The following SH3GL3 variants were observed in gnomAD, a reference collection of about 807,000 sequenced individuals.
SH3GL3 encodes endophilin-A3.
Under a neutral mutation model 47.7 loss-of-function variants are expected in SH3GL3, and 33 were observed. The observed-to-expected ratio is 0.69, with a 90% CI of 0.52 to 0.92. SH3GL3 has a LOEUF of 0.92. Among genes scored for constraint, SH3GL3 ranks in the 40% least tolerant of loss-of-function variants. SH3GL3 has a pLI of 0.00. For missense variants in SH3GL3, 363 were observed against 417.8 expected (o/e 0.87, Z 1.14); for synonymous variants, 155 against 148.8 (o/e 1.04, Z -0.30).
chr15:83,481,621 TC>T (rs1360338997), intron 1 of SH3GL3, among the ~76,000 whole-genome samples: 3 of 152,208 alleles, frequency 2.0e-5, no homozygotes, highest in Non-Finnish European at 4.4e-5. Context: ...TAATCATATA[TC>T]TGAAAGAGCA....
intron 6 of SH3GL3, among the ~76,000 whole-genome samples, chr15:83,583,663 A>G (rs2059890793): frequency 6.6e-6 from 1 of 152,102 alleles, no homozygotes; most frequent in Non-Finnish European, 1.5e-5. Flanking sequence ...GTTTCCAGCT[A>G]TAGAGAGGTT....
At chr15:83,494,636 G>A (rs1453061957) in intron 1 of SH3GL3, among the ~76,000 whole-genome samples, 2 of 151,270 alleles carry the variant, frequency 1.3e-5, no homozygotes, top group African/African-American at 2.4e-5. Context: ...TCTGCCTCCC[G>A]GGTTCAAGCG....
rs1406790435 is a variant in SH3GL3, at chr15:83,618,539, G to C, written c.*252G>C. 2.3e-6 allele frequency: 1 copy of C among 439,766 alleles called. No individual in the cohort carries two copies. Among genetic ancestry groups the C allele is most frequent in the Admixed American group, 3.6e-5 (1 of 27,530 alleles). 27.2% of individuals were successfully genotyped at this position (439,766 alleles called of 1,614,324 possible). A position where few individuals can be genotyped will look rare whatever the true frequency, so the allele number is the denominator to read the frequency against. ...TTGGTTAAATGTATTTGCTTCCTGT[G>C]GCTAAAAATAAGTCTCACCCATTGC... On this transcript the variant is annotated 3_prime_UTR_variant, in exon 9 of 9. Coordinates refer to ENST00000427482, the MANE Select transcript of SH3GL3 (RefSeq NM_003027.5).
chr15:83,468,949 T>C (rs547393946), intron 1 of SH3GL3, among the ~76,000 whole-genome samples: 3 of 152,210 alleles, frequency 2.0e-5, no homozygotes, highest in Non-Finnish European at 2.9e-5. Context: ...AGTAAAACCA[T>C]CTAGGCCTGG....
chr15:83,493,564 C>T (rs187678976), intron 1 of SH3GL3, among the ~76,000 whole-genome samples: 4 of 152,282 alleles, frequency 2.6e-5, no homozygotes, highest in African/African-American at 9.6e-5. Flanking sequence ...GCCTTCACCT[C>T]CTCCATTGCA....
At position 83,511,286 on chromosome 15, in the gene SH3GL3, GC is replaced by G. The variant is rs1395376474; in HGVS notation, c.46-47966del. Among the ~76,000 whole-genome samples, 5 of 152,286 alleles carry G rather than the reference GC, an allele frequency of 3.3e-5. No homozygotes were observed. The East Asian group carries it at 9.7e-4, about 29-fold the overall frequency. ...TGGCAAGTGACCTGCAGGACTACAG[GC>G]AGAAGTAGGGCTGGCAGAGTGCCTG... On this transcript the variant is annotated intron_variant, in intron 1 of 8. Transcript: ENST00000427482.
chr15:83,624,219 A>G, the SH3GL3 span, among the ~76,000 whole-genome samples: 1 of 152,114 alleles, frequency 6.6e-6, no homozygotes, highest in Non-Finnish European at 1.5e-5. Flanking sequence ...TTTGCTATAG[A>G]GGCAAATAGA....
Position 83,469,285 on chromosome 15 carries a change from TA to T in SH3GL3, c.45+21708del, listed in dbSNP as rs147812020. ...TTTTCAAAGAACTAGCCCTTTGTTT[TA>T]TTTTCTCAATTGTTTTGTTCTTTTC... On this transcript the variant is annotated intron_variant, in intron 1 of 8. Transcript: ENST00000427482. 1.1e-3 allele frequency among the ~76,000 whole-genome samples: 172 copies of T among 152,292 alleles called. 2 individuals carry two copies. The highest frequency in any genetic ancestry group is 3.9e-3 in the African/African-American group (161 of 41,584).
intron 8 of SH3GL3, among the ~76,000 whole-genome samples, chr15:83,616,790 A>C (rs373131881): frequency 6.6e-6 from 1 of 152,150 alleles, no homozygotes; most frequent in African/African-American, 2.4e-5. Context: ...ATCGAGAAAA[A>C]CAGGGAGGGA....
chr15:83,607,447 G>C (rs1434209312), intron 8 of SH3GL3, among the ~76,000 whole-genome samples: 1 of 152,146 alleles, frequency 6.6e-6, no homozygotes, highest in African/African-American at 2.4e-5. Context: ...AGAGACATAG[G>C]AAAAGTGTAA....
chr15:83,550,397 T>C (rs1273832958), intron 1 of SH3GL3, among the ~76,000 whole-genome samples: 2 of 152,160 alleles, frequency 1.3e-5, no homozygotes, highest in African/African-American at 2.4e-5. Flanking sequence ...TTTTATTTTA[T>C]TTATTTTTTT....
At chr15:83,545,799 G>A (rs1031784489) in intron 1 of SH3GL3, among the ~76,000 whole-genome samples, 4 of 152,170 alleles carry the variant, frequency 2.6e-5, no homozygotes, top group African/African-American at 9.7e-5. Flanking sequence ...CTGCCTCAGT[G>A]GTCTTGGGTA....
chr15:83,513,846 A>G (rs2042873908), intron 1 of SH3GL3, among the ~76,000 whole-genome samples: 1 of 152,240 alleles, frequency 6.6e-6, no homozygotes, highest in African/African-American at 2.4e-5. Flanking sequence ...TAAATGACTA[A>G]TCATCATAAA....
At chr15:83,616,055 C>T (rs1050661032) in intron 8 of SH3GL3, among the ~76,000 whole-genome samples, 4 of 151,570 alleles carry the variant, frequency 2.6e-5, no homozygotes, top group African/African-American at 9.7e-5. Context: ...CCAGCACAAA[C>T]TTCAAAAACA....
intron 3 of SH3GL3, among the ~76,000 whole-genome samples, chr15:83,566,834 G>A (rs1566993232): frequency 6.6e-6 from 1 of 152,176 alleles, no homozygotes; most frequent in Non-Finnish European, 1.5e-5. Flanking sequence ...CTCACAGCTG[G>A]CACGGGAATG....
At chr15:83,534,414 C>G (rs1467930330) in intron 1 of SH3GL3, among the ~76,000 whole-genome samples, 1 of 152,146 alleles carries the variant, frequency 6.6e-6, no homozygotes, top group Non-Finnish European at 1.5e-5. Context: ...CCCTCTCTCC[C>G]TCTCTCCCTC....
At chr15:83,524,817 A>G (rs1401540306) in intron 1 of SH3GL3, among the ~76,000 whole-genome samples, 1 of 151,880 alleles carries the variant, frequency 6.6e-6, no homozygotes, top group Non-Finnish European at 1.5e-5. Flanking sequence ...TCCATTTCCA[A>G]CCATGTTGCT....
At chr15:83,612,162 A>C (rs1034642641) in intron 8 of SH3GL3, among the ~76,000 whole-genome samples, 1 of 152,234 alleles carries the variant, frequency 6.6e-6, no homozygotes, top group Non-Finnish European at 1.5e-5. Flanking sequence ...ATTTAAACAC[A>C]GTCAATTCAG....
chr15:83,491,400 G>A (rs147295900), intron 1 of SH3GL3, among the ~76,000 whole-genome samples: 88 of 152,310 alleles, frequency 5.8e-4, no homozygotes, highest in Middle Eastern at 6.8e-3. Flanking sequence ...ATTCCCTCAA[G>A]AGTCTTGGCT....
Sources: gnomAD v4.1 joint callset for allele counts (sites outside exome capture counted in the v4.1 genomes callset) on GRCh38, gnomAD v4.1.1 for gene constraint, MANE v1.5 for transcripts, NCBI Gene and HGNC (gene_info 2026-07-23, HGNC 2026-07-21) for gene names.